Variants in OPRD1 observed in about 807,000 individuals in gnomAD.
The protein encoded by OPRD1 is delta-type opioid receptor.
A neutral mutation model predicts 17.5 loss-of-function variants in OPRD1; 19 were observed. That is an observed-to-expected ratio of 1.09 (90% confidence interval 0.76 to 1.60). The LOEUF is 1.60. Among genes scored for constraint, OPRD1 ranks in the 40% most tolerant of loss-of-function variants. The pLI is 0.00. For synonymous variants in OPRD1, 256 were observed against 240.9 expected, an observed-to-expected ratio of 1.06 and a Z score of -0.58; for missense variants, 483 against 547.2, an observed-to-expected ratio of 0.88 and a Z score of 1.17.
At chr1:28,836,045 G>T (rs1011159411) in intron 1 of OPRD1, among the ~76,000 whole-genome samples, 2 of 152,188 alleles carry the variant, frequency 1.3e-5, no homozygotes, top group African/African-American at 4.8e-5. Flanking sequence ...CTCCTTCTAG[G>T]CTAACATTCT....
At chr1:28,821,958 T>C (rs113995705) in intron 1 of OPRD1, among the ~76,000 whole-genome samples, 1,680 of 149,254 alleles carry the variant, frequency 0.011, 26 homozygotes, top group African/African-American at 0.036. Flanking sequence ...ATTTCTTTCT[T>C]TTTTTTTTTT....
At chr1:28,854,321 G>A (rs143397351) in intron 1 of OPRD1, among the ~76,000 whole-genome samples, 1 of 152,198 alleles carries the variant, frequency 6.6e-6, no homozygotes, top group African/African-American at 2.4e-5. Flanking sequence ...CCAACTCCCA[G>A]GATCAAGTGT....
At chr1:28,824,470 C>T (rs1169586731) in intron 1 of OPRD1, among the ~76,000 whole-genome samples, 1 of 151,434 alleles carries the variant, frequency 6.6e-6, no homozygotes, top group Admixed American at 6.6e-5. Flanking sequence ...CCCGCCACCA[C>T]ACCCGGCTAA....
chr1:28,858,309 T>G (rs957357832), intron 1 of OPRD1, among the ~76,000 whole-genome samples: 8 of 139,820 alleles, frequency 5.7e-5, no homozygotes, highest in African/African-American at 2.1e-4. Context: ...AGAGAGGGGG[T>G]TTCACCGTGT....
intron 1 of OPRD1, among the ~76,000 whole-genome samples, chr1:28,846,846 T>TTTTCTTTC (rs1553150754): frequency 0.059 from 4,512 of 76,644 alleles, 104 homozygotes; most frequent in Non-Finnish European, 0.087. Context: ...TCTTTCTTTC[T>TTTTCTTTC]TTTCTTTCTT....
intron 1 of OPRD1, among the ~76,000 whole-genome samples, chr1:28,815,655 C>T (rs536887060): frequency 6.6e-6 from 1 of 152,334 alleles, no homozygotes; most frequent in East Asian, 1.9e-4. Flanking sequence ...AGAAGGGACC[C>T]TGCTCCCCTG....
At position 28,851,233 on chromosome 1, in the gene OPRD1, G is replaced by A. The variant is rs146758512; in HGVS notation, c.228-7721G>A. Among the ~76,000 whole-genome samples the A allele has an allele frequency of 4.6e-5, 7 of 152,240 alleles. No individual in the cohort carries two copies. The East Asian group carries it at 1.4e-3, about 29-fold the overall frequency. On this transcript the variant is annotated intron_variant, in intron 1 of 2. Transcript: ENST00000234961. ...AGGACAGATCACATACAAAACATCA[G>A]GAATCAGAATGGTTTTAGATGCTTC...
At chr1:28,813,531 G>A (rs1246784812) in intron 1 of OPRD1, among the ~76,000 whole-genome samples, 2 of 152,176 alleles carry the variant, frequency 1.3e-5, no homozygotes, top group East Asian at 3.8e-4. Context: ...GCTCTTCTTG[G>A]AGTTTATGGA....
chr1:28,836,276 G>A (rs937365111), intron 1 of OPRD1, among the ~76,000 whole-genome samples: 1 of 152,104 alleles, frequency 6.6e-6, no homozygotes, highest in Non-Finnish European at 1.5e-5. Flanking sequence ...AGCACTTTGG[G>A]AGGCCAAGGC....
Position 28,863,050 on chromosome 1 carries a change from G to C in OPRD1, c.886G>C (p.Val296Leu), listed in dbSNP as rs765568858. Residue 296 changes from valine (V) to leucine (L), a missense_variant, in exon 3 of 3, where the codon GTG (valine) becomes CTG (leucine). Physicochemically the swap from Val to Leu is conservative, Grantham distance 32. Transcript: ENST00000234961. ...GGACATCGACCGGCGCGACCCGCTGGTGGTGGCTGCGCTGCACCTGTGCAT... is the reference window on the plus strand; with the variant it reads ...GGACATCGACCGGCGCGACCCGCTGCTGGTGGCTGCGCTGCACCTGTGCAT... ...LVDIDRRDPL[V>L]VAALHLCIAL... is the part of the protein sequence containing the mutation. The C allele has an allele frequency of 1.9e-6, 3 of 1,606,406 alleles. No individual in the cohort carries two copies. Among genetic ancestry groups the C allele is most frequent in the Middle Eastern group, 1.7e-4 (1 of 6,042 alleles).
chr1:28,834,202 G>A (rs1003034286), intron 1 of OPRD1, among the ~76,000 whole-genome samples: 4 of 151,814 alleles, frequency 2.6e-5, no homozygotes, highest in Admixed American at 1.3e-4. Flanking sequence ...GTGAGCCACC[G>A]CGCCCAGCCT....
Position 28,826,111 on chromosome 1 carries a change from G to A in OPRD1, c.227+13501G>A, listed in dbSNP as rs1447082782. On this transcript the variant is annotated intron_variant, in intron 1 of 2. Coordinates refer to ENST00000234961, the MANE Select transcript of OPRD1 (RefSeq NM_000911.4). ...AACAGGCATTGGGTGAGAGGGTGGC[G>A]GGGCTGCAGTTGTACAGGCATACCT... 8.5e-5 allele frequency among the ~76,000 whole-genome samples: 13 copies of A among 152,280 alleles called. 1 individual carries two copies. In the South Asian group the frequency reaches 2.1e-3, roughly 24 times the overall value.
intron 1 of OPRD1, among the ~76,000 whole-genome samples, chr1:28,846,702 A>AG (rs2088946883): frequency 7.6e-6 from 1 of 131,986 alleles, no homozygotes. Flanking sequence ...AAAAAAAAAA[A>AG]AAAGAGAGAG....
At chr1:28,820,564 C>T (rs556339088) in intron 1 of OPRD1, among the ~76,000 whole-genome samples, 9 of 152,010 alleles carry the variant, frequency 5.9e-5, no homozygotes, top group South Asian at 2.1e-4. Context: ...CAGTGACTCA[C>T]GCCTGTAATC....
At chr1:28,812,658 G>A in intron 1 of OPRD1, 48 bp downstream of exon 1, 1 of 1,410,072 alleles carries the variant, frequency 7.1e-7, no homozygotes, top group Non-Finnish European at 9.3e-7. Context: ...CCGGGGTGAG[G>A]GTGGGGATCA....
intron 1 of OPRD1, among the ~76,000 whole-genome samples, chr1:28,843,371 C>T (rs1226605249): frequency 1.3e-5 from 2 of 152,122 alleles, no homozygotes; most frequent in African/African-American, 4.8e-5. Context: ...GCCATCACAA[C>T]CGTTCGTCTC....
At chr1:28,819,678 G>A (rs1162314394) in intron 1 of OPRD1, among the ~76,000 whole-genome samples, 1 of 152,182 alleles carries the variant, frequency 6.6e-6, no homozygotes. Flanking sequence ...GCAAGAGAGG[G>A]GTGGAGTCGA....
At chr1:28,844,300 G>C (rs954073178) in intron 1 of OPRD1, among the ~76,000 whole-genome samples, 1 of 151,910 alleles carries the variant, frequency 6.6e-6, no homozygotes, top group Non-Finnish European at 1.5e-5. Flanking sequence ...CTTTTTTAGG[G>C]AAATATTCAA....
chr1:28,847,987 G>T (rs1309596686), intron 1 of OPRD1, among the ~76,000 whole-genome samples: 2 of 152,148 alleles, frequency 1.3e-5, no homozygotes, highest in Admixed American at 6.6e-5. Context: ...GGTGGCTCAT[G>T]CCTGTAATCC....
Sources: allele counts gnomAD v4.1 joint callset (sites outside exome capture counted in the v4.1 genomes callset), GRCh38; gene constraint gnomAD v4.1.1; transcripts MANE v1.5; gene names NCBI Gene and HGNC (gene_info 2026-07-23, HGNC 2026-07-21).